The following ASTN2 variants were observed in gnomAD, a reference collection of about 807,000 sequenced individuals.
The protein encoded by ASTN2 is astrotactin 2.
In ASTN2, 54 loss-of-function variants were observed where a neutral mutation model predicts 139.8. The observed-to-expected ratio is 0.39, with a 90% confidence interval of 0.31 to 0.48. ASTN2 has a LOEUF of 0.48. Ranked by LOEUF, ASTN2 falls within the 20% of genes least tolerant of loss-of-function variation. ASTN2 has a pLI of 0.95. For missense variants in ASTN2, 1,565 were observed against 1,725.1 expected (o/e 0.91, Z 1.64); for synonymous variants, 756 against 719.5 (o/e 1.05, Z -0.81).
chr9:117,375,640 G>A (rs895472346), intron 1 of ASTN2, among the ~76,000 whole-genome samples: 1 of 152,196 alleles, frequency 6.6e-6, no homozygotes, highest in Non-Finnish European at 1.5e-5. Context: ...AGAAGCAGGA[G>A]ATTCAAGCTC....
At position 117,367,542 on chromosome 9, in the gene ASTN2, C is replaced by T. The variant is rs558813358; in HGVS notation, c.442+46955G>A. Among the ~76,000 whole-genome samples, 18 of 152,116 alleles carry T rather than the reference C, an allele frequency of 1.2e-4. 1 individual carries two copies. Among genetic ancestry groups the T allele is most frequent in the African/African-American group, 3.6e-4 (15 of 41,516 alleles). On this transcript the variant is annotated intron_variant, in intron 1 of 22. Coordinates refer to ENST00000313400, the MANE Select transcript of ASTN2 (RefSeq NM_001365068.1). ...TGTGTGTGAAGCTTTTGCAGAAGTC[C>T]CTGCTCATGGTAAACATTGAACATA... is the stretch of plus-strand genomic sequence containing the variant.
intron 11 of ASTN2, among the ~76,000 whole-genome samples, chr9:116,862,803 C>A (rs978393039): frequency 1.2e-5 from 1 of 84,876 alleles, no homozygotes; most frequent in African/African-American, 4.5e-5. Context: ...CCAACACACA[C>A]AAATACACAC....
intron 7 of ASTN2, among the ~76,000 whole-genome samples, chr9:116,993,876 A>ATATATATATTTTTTT (rs1030120382): frequency 2.1e-5 from 3 of 142,058 alleles, no homozygotes; most frequent in Admixed American, 1.4e-4. Context: ...ATATATATAT[A>ATATATATATTTTTTT]TTTTAACTAT....
At chr9:117,116,019 C>T (rs930014318) in intron 4 of ASTN2, among the ~76,000 whole-genome samples, 13 of 97,012 alleles carry the variant, frequency 1.3e-4, no homozygotes, top group South Asian at 1.0e-3. Context: ...AGTGAGACTC[C>T]GCCTCAAAAA....
At chr9:117,010,523 A>G (rs890213882) in intron 6 of ASTN2, among the ~76,000 whole-genome samples, 6 of 152,202 alleles carry the variant, frequency 3.9e-5, no homozygotes, top group African/African-American at 1.4e-4. Flanking sequence ...TCATATCCTC[A>G]CTTTTTAACT....
intron 19 of ASTN2, chr9:116,540,473 C>G (rs1045642028): frequency 6.6e-6 from 1 of 152,198 alleles, no homozygotes; most frequent in African/African-American, 2.4e-5. Context: ...TGGAATAACA[C>G]GTGAAGAGAG....
chr9:116,905,866 TG>T (rs375750971), intron 10 of ASTN2, among the ~76,000 whole-genome samples: 2,013 of 32,566 alleles, frequency 0.062, 19 homozygotes, highest in African/African-American at 0.12. Context: ...TTTTTTTTTT[TG>T]GGGGGGGGTG....
intron 1 of ASTN2, among the ~76,000 whole-genome samples, chr9:117,368,544 G>A (rs1168298963): frequency 6.6e-6 from 1 of 152,116 alleles, no homozygotes; most frequent in Admixed American, 6.6e-5. Context: ...TTTTTGCAAT[G>A]TGTGTAACAG....
rs1831277952 is a variant in ASTN2 at position 117,414,682 on chromosome 9, G to T, written c.257C>A (p.Ala86Asp). Reference sequence around the variant, plus strand: ...GGTCCCAGCCCCGGCCCCGGCGCGGGCGCCGCTCCAGCCGATGTCGCTCTC... The same window carrying T: ...GGTCCCAGCCCCGGCCCCGGCGCGGTCGCCGCTCCAGCCGATGTCGCTCTC... ...LRESDIGWSG[A>D]RAGAGAGTGA... is the part of the protein sequence containing the mutation. Residue 86 changes from alanine (A) to aspartate (D), a missense_variant, in exon 1 of 23, where the codon GCC becomes GAC. Transcript: ENST00000313400. This position sits in a 1 kb window ranked among gnomAD's most constrained non-coding sequence, Gnocchi z 4.2. 3.9e-5 allele frequency: 49 copies of T among 1,251,258 alleles called. No individual in the cohort carries two copies. Among genetic ancestry groups the T allele is most frequent in the Non-Finnish European group, 4.7e-5 (47 of 1,001,140 alleles). The allele number at this position is 1,251,258 out of a possible 1,614,324, so 77.5% of individuals were successfully genotyped here.
rs145329478 is a variant in ASTN2, at chr9:117,143,947, T to C, written c.1016-2469A>G. 4.4e-3 allele frequency among the ~76,000 whole-genome samples: 663 copies of C among 152,310 alleles called. 4 individuals are homozygous for C. Among genetic ancestry groups the C allele is most frequent in the African/African-American group, 0.015 (619 of 41,576 alleles). The stretch of plus-strand genomic sequence containing the variant: ...TCTCCAGACACAGTCAGCCACGGAT[T>C]GAATTGTGTTCCCTCCTTCCCCAAT... On this transcript the variant is annotated intron_variant, in intron 3 of 22. Coordinates refer to ENST00000313400, the MANE Select transcript of ASTN2 (RefSeq NM_001365068.1).
chr9:117,017,738 C>T (rs565960905), intron 6 of ASTN2, among the ~76,000 whole-genome samples: 19 of 152,170 alleles, frequency 1.2e-4, no homozygotes, highest in African/African-American at 4.3e-4. Context: ...ATTCCATTTA[C>T]AATTGTATAT....
At chr9:116,885,009 G>A (rs534908540) in intron 10 of ASTN2, among the ~76,000 whole-genome samples, 1 of 152,016 alleles carries the variant, frequency 6.6e-6, no homozygotes, top group South Asian at 2.1e-4. Context: ...TAGAGACAGG[G>A]TTTCACAAAT....
intron 1 of ASTN2, among the ~76,000 whole-genome samples, chr9:117,356,482 T>C (rs1829542481): frequency 6.6e-6 from 1 of 152,192 alleles, no homozygotes; most frequent in Non-Finnish European, 1.5e-5. Context: ...TCTTTAGATT[T>C]CACTTTGAGA....
chr9:117,116,140 G>C (rs1368168372), intron 4 of ASTN2, among the ~76,000 whole-genome samples: 1 of 151,950 alleles, frequency 6.6e-6, no homozygotes, highest in Non-Finnish European at 1.5e-5. Flanking sequence ...CTACAGCATA[G>C]GCTAATGCAA....
intron 3 of ASTN2, among the ~76,000 whole-genome samples, chr9:117,198,615 T>C (rs1831592708): frequency 6.6e-6 from 1 of 152,172 alleles, no homozygotes; most frequent in South Asian, 2.1e-4. Context: ...TGTGCATGTA[T>C]CTTTATAGAA....
rs141115625 is a variant in ASTN2 at position 116,733,435 on chromosome 9, G to A, written c.2485C>T (p.Leu829Phe). ...TGGAGGTCTGGAAGGGGCTCGGAGA[G>A]GACCCCCCGGCACTGCTCCTCCACC... is the stretch of plus-strand genomic sequence containing the variant. The part of the protein sequence containing the change: ...LPVEEQCRGV[L>F]SEPLPDLQLL... The change falls in exon 14 of 23, where the codon CTC (leucine) becomes TTC (phenylalanine). Residue 829 changes from leucine (L) to phenylalanine (F), a missense_variant. Coordinates refer to ENST00000313400, the MANE Select transcript of ASTN2 (RefSeq NM_001365068.1). 3.1e-6 allele frequency: 5 copies of A among 1,613,998 alleles called. No homozygotes were observed. The African/African-American group carries it at 5.3e-5, about 17-fold the overall frequency.
chr9:117,267,746 C>A (rs775899995), intron 2 of ASTN2, among the ~76,000 whole-genome samples: 1 of 152,154 alleles, frequency 6.6e-6, no homozygotes, highest in East Asian at 1.9e-4. Context: ...TTTGTTGATA[C>A]CTTTGCCTCT....
intron 17 of ASTN2, among the ~76,000 whole-genome samples, chr9:116,632,225 G>GAAAGAAAA: frequency 8.3e-6 from 1 of 120,710 alleles, no homozygotes; most frequent in Non-Finnish European, 1.7e-5. Flanking sequence ...AAGAAAGAAA[G>GAAAGAAAA]AAAGAAAGAA....
rs527686771 is a variant in ASTN2 at position 116,521,995 on chromosome 9, T to TA, written c.3356-34496dup. 4.1e-3 allele frequency among the ~76,000 whole-genome samples: 623 copies of TA among 151,656 alleles called. 6 individuals carry two copies. The highest frequency in any genetic ancestry group is 0.014 in the African/African-American group (584 of 41,356). ...CTCACTCCAGCAAGAATGGCCATAATAAAAAAAACAAAAAGTAATAGATGT... is the reference window on the plus strand; with the variant it reads ...CTCACTCCAGCAAGAATGGCCATAATAAAAAAAAACAAAAAGTAATAGATGT... On this transcript the variant is annotated intron_variant, in intron 19 of 22. Transcript: ENST00000313400.
Sources: allele counts gnomAD v4.1 joint callset (sites outside exome capture counted in the v4.1 genomes callset), GRCh38; gene constraint gnomAD v4.1.1; non-coding constraint Gnocchi (gnomAD v3.1); transcripts MANE v1.5; gene names NCBI Gene and HGNC (gene_info 2026-07-23, HGNC 2026-07-21).